The following AGBL4 variants were observed in gnomAD, a reference collection of about 807,000 sequenced individuals.
AGBL4 encodes the protein cytosolic carboxypeptidase 6.
A neutral mutation model predicts 66.4 loss-of-function variants in AGBL4; 58 were observed. The observed-to-expected ratio is 0.87, with a 90% CI of 0.71 to 1.09. AGBL4 has a LOEUF of 1.09. Ranked by LOEUF, AGBL4 falls within the 50% of genes least tolerant of loss-of-function variation. The pLI is 0.00. For synonymous variants in AGBL4, 234 were observed against 222.9 expected (o/e 1.05, Z -0.44); for missense variants, 579 against 631.0 (o/e 0.92, Z 0.88).
intron 3 of AGBL4, among the ~76,000 whole-genome samples, chr1:49,638,028 G>A (rs1454655680): frequency 1.3e-5 from 2 of 152,164 alleles, no homozygotes; most frequent in Non-Finnish European, 2.9e-5. Context: ...TTCTTCTAAT[G>A]ATAATAATAA....
At chr1:48,723,913 G>C (rs890025617) in intron 6 of AGBL4, among the ~76,000 whole-genome samples, 2 of 152,220 alleles carry the variant, frequency 1.3e-5, no homozygotes, top group Admixed American at 1.3e-4. Context: ...TGGGCCACTT[G>C]GGTGGCAGTG....
intron 4 of AGBL4, among the ~76,000 whole-genome samples, chr1:49,067,750 T>A (rs1644516928): frequency 6.6e-6 from 1 of 152,146 alleles, no homozygotes; most frequent in South Asian, 2.1e-4. Flanking sequence ...ATAGGCTCAC[T>A]TTATTTATTT....
rs968528640 is a variant in AGBL4, at chr1:49,430,667, C to A, written c.283-184803G>T. Among the ~76,000 whole-genome samples, 5 of 152,040 alleles carry A rather than the reference C, an allele frequency of 3.3e-5. No homozygotes were observed. The East Asian group carries it at 9.6e-4, about 29-fold the overall frequency. ...ATTATAACGTAGATACAGAAAAGTA[C>A]GTGTATCATAAGTATAAACTTAATT... On this transcript the variant is annotated intron_variant, in intron 3 of 13. Transcript: ENST00000371839.
At chr1:48,664,466 C>A (rs320012) in intron 6 of AGBL4, among the ~76,000 whole-genome samples, 2 of 151,976 alleles carry the variant, frequency 1.3e-5, no homozygotes, top group Non-Finnish European at 2.9e-5. Context: ...AAAAACTACT[C>A]TAGACCACCA....
Position 48,766,904 on chromosome 1 carries a change from G to T in AGBL4, c.634+100287C>A, listed in dbSNP as rs193176414. 4.0e-3 allele frequency among the ~76,000 whole-genome samples: 602 copies of T among 152,246 alleles called. 8 individuals are homozygous for T. The highest frequency in any genetic ancestry group is 3.9e-3 in the Non-Finnish European group (265 of 68,022). The stretch of plus-strand genomic sequence containing the variant: ...TATGCTAAGTAGTCCTTGTGTTTTT[G>T]GTCCTTACAACCCAGTATATGATAA... On this transcript the variant is annotated intron_variant, in intron 6 of 13. Transcript: ENST00000371839.
intron 3 of AGBL4, among the ~76,000 whole-genome samples, chr1:49,685,016 T>C (rs2124573395): frequency 6.6e-6 from 1 of 152,272 alleles, no homozygotes; most frequent in Admixed American, 6.5e-5. Flanking sequence ...TAAGTAGTAA[T>C]CATACTACTC....
At chr1:49,119,649 T>C (rs1407909978) in intron 4 of AGBL4, among the ~76,000 whole-genome samples, 1 of 152,198 alleles carries the variant, frequency 6.6e-6, no homozygotes, top group East Asian at 1.9e-4. Context: ...AAGTGTTATG[T>C]GGTGCTGAGA....
intron 3 of AGBL4, among the ~76,000 whole-genome samples, chr1:49,609,242 T>C (rs538973307): frequency 6.6e-6 from 1 of 152,306 alleles, no homozygotes; most frequent in South Asian, 2.1e-4. Context: ...GGACATATGC[T>C]AGCTTCCTGT....
At chr1:48,543,192 G>T (rs1644101995) in intron 11 of AGBL4, among the ~76,000 whole-genome samples, 1 of 152,114 alleles carries the variant, frequency 6.6e-6, no homozygotes, top group African/African-American at 2.4e-5. Context: ...TGAGAAACAA[G>T]ACTCACACCC....
intron 9 of AGBL4, among the ~76,000 whole-genome samples, chr1:48,632,410 T>C (rs1195992451): frequency 6.6e-6 from 1 of 152,230 alleles, no homozygotes; most frequent in Non-Finnish European, 1.5e-5. Context: ...AAATCAATAA[T>C]TAATGACAGC....
At chr1:49,722,252 T>C (rs1648665590) in intron 2 of AGBL4, among the ~76,000 whole-genome samples, 1 of 152,188 alleles carries the variant, frequency 6.6e-6, no homozygotes, top group Non-Finnish European at 1.5e-5. Flanking sequence ...TTTCTGAAGA[T>C]ATAATTTTAT....
intron 3 of AGBL4, among the ~76,000 whole-genome samples, chr1:49,483,066 T>C (rs1231433524): frequency 6.6e-6 from 1 of 152,076 alleles, no homozygotes; most frequent in Non-Finnish European, 1.5e-5. Context: ...GTAAGTGCCA[T>C]GTGGAAATGA....
chr1:48,719,564 G>C (rs899218279), intron 6 of AGBL4, among the ~76,000 whole-genome samples: 10 of 152,274 alleles, frequency 6.6e-5, no homozygotes, highest in African/African-American at 2.4e-4. Flanking sequence ...CTGGAACCAA[G>C]GCCCTCCATG....
chr1:49,331,433 T>C (rs1645332024), intron 3 of AGBL4, among the ~76,000 whole-genome samples: 1 of 152,140 alleles, frequency 6.6e-6, no homozygotes, highest in South Asian at 2.1e-4. Context: ...ATCTTTTCTG[T>C]TTGGACGACT....
intron 5 of AGBL4, among the ~76,000 whole-genome samples, chr1:49,039,492 TAA>T: frequency 6.6e-6 from 1 of 152,188 alleles, no homozygotes; most frequent in African/African-American, 2.4e-5. Flanking sequence ...GCTGTGAAAC[TAA>T]AACCGTTCTA....
chr1:49,494,239 G>C (rs1647318760), intron 3 of AGBL4, among the ~76,000 whole-genome samples: 1 of 151,464 alleles, frequency 6.6e-6, no homozygotes, highest in South Asian at 2.1e-4. Context: ...GTCTGTTCTT[G>C]GCTTCATCAT....
intron 11 of AGBL4, chr1:48,586,514 G>A (rs78668075): frequency 0.017 from 2,667 of 161,498 alleles, 76 homozygotes; most frequent in South Asian, 0.053. Flanking sequence ...GGTGAGAAAA[G>A]TAAGTAGAAG....
chr1:49,251,452 C>T (rs1385937689), intron 3 of AGBL4, among the ~76,000 whole-genome samples: 1 of 152,112 alleles, frequency 6.6e-6, no homozygotes, highest in African/African-American at 2.4e-5. Flanking sequence ...CTTGCAGTAA[C>T]ACTGCTCAGA....
intron 3 of AGBL4, among the ~76,000 whole-genome samples, chr1:49,601,500 C>A (rs1644957615): frequency 6.6e-6 from 1 of 152,086 alleles, no homozygotes; most frequent in African/African-American, 2.4e-5. Flanking sequence ...GGTACCAAAT[C>A]AGATATATAG....
Sources: allele counts gnomAD v4.1 joint callset (sites outside exome capture counted in the v4.1 genomes callset), GRCh38; gene constraint gnomAD v4.1.1; transcripts MANE v1.5; gene names NCBI Gene and HGNC (gene_info 2026-07-23, HGNC 2026-07-21).